RFX4: variants seen among roughly 807,000 people sequenced by gnomAD.
RFX4 encodes the protein regulatory factor X4.
RFX4 carries 10 observed loss-of-function variants against 95.0 expected under a neutral mutation model. That is an observed-to-expected ratio of 0.11 (90% CI 0.06 to 0.18). The LOEUF is 0.18. Ranked by LOEUF, RFX4 falls within the 10% of genes least tolerant of loss-of-function variation. The pLI is 1.00. For synonymous variants in RFX4, 321 were observed against 340.7 expected (o/e 0.94, Z 0.64); for missense variants, 640 against 922.0 (o/e 0.69, Z 3.96).
chr12:106,647,557 T>A (rs1051169711), intron 3 of RFX4, among the ~76,000 whole-genome samples: 1 of 152,196 alleles, frequency 6.6e-6, no homozygotes, highest in Non-Finnish European at 1.5e-5. Context: ...AAAGCCTGCC[T>A]TCCTTCTTAT....
In RFX4 at chr12:106,668,455, A is replaced by C. The variant is rs973874292; in HGVS notation, c.316-13538A>C. ...AAAAACTACGGTTTGAGCCAGGTGCAATGGTGCAGGCTCATAGTCCCAGCT... is the reference window on the plus strand; with the variant it reads ...AAAAACTACGGTTTGAGCCAGGTGCCATGGTGCAGGCTCATAGTCCCAGCT... On this transcript the variant is annotated intron_variant, in intron 4 of 17. Transcript: ENST00000392842. 4.1e-4 allele frequency among the ~76,000 whole-genome samples: 63 copies of C among 152,138 alleles called. 2 individuals carry two copies. Among genetic ancestry groups the C allele is most frequent in the Admixed American group, 3.6e-3 (55 of 15,286 alleles).
intron 16 of RFX4, among the ~76,000 whole-genome samples, chr12:106,747,835 G>A (rs898168498): frequency 1.6e-4 from 25 of 151,712 alleles, no homozygotes; most frequent in African/African-American, 6.1e-4. Context: ...GGCTGAGGTG[G>A]GAGAATTGCT....
chr12:106,688,553 A>G (rs367590411), intron 6 of RFX4, among the ~76,000 whole-genome samples: 1 of 152,214 alleles, frequency 6.6e-6, no homozygotes, highest in East Asian at 1.9e-4. Context: ...CTAAGTTTAT[A>G]TAAAATGCAT....
chr12:106,759,304 T>C (rs957826044), intron 17 of RFX4, among the ~76,000 whole-genome samples: 1 of 152,012 alleles, frequency 6.6e-6, no homozygotes, highest in African/African-American at 2.4e-5. Flanking sequence ...TTCCCTGAGA[T>C]GGGAACCAGC....
intron 13 of RFX4, among the ~76,000 whole-genome samples, chr12:106,725,670 A>G (rs2137542662): frequency 6.6e-6 from 1 of 152,156 alleles, no homozygotes; most frequent in African/African-American, 2.4e-5. Context: ...ATCATGATTT[A>G]TGGAGGAAAA....
intron 1 of RFX4, among the ~76,000 whole-genome samples, chr12:106,589,453 A>T (rs2137164105): frequency 6.6e-6 from 1 of 152,310 alleles, no homozygotes; most frequent in African/African-American, 2.4e-5. Context: ...TCTCTTGCTG[A>T]GTACCTACCA....
intron 1 of RFX4, among the ~76,000 whole-genome samples, chr12:106,600,293 T>G (rs1242367503): frequency 6.6e-6 from 1 of 152,186 alleles, no homozygotes; most frequent in African/African-American, 2.4e-5. Flanking sequence ...TTCCTCCCTC[T>G]CTACCTGGTT....
intron 5 of RFX4, among the ~76,000 whole-genome samples, chr12:106,684,237 C>T (rs746834617): frequency 2.8e-4 from 42 of 152,148 alleles, no homozygotes; most frequent in Admixed American, 7.9e-4. Flanking sequence ...CATGGTGGCA[C>T]GTCCCTTTAG....
At chr12:106,678,127 C>T (rs1474072121) in intron 4 of RFX4, among the ~76,000 whole-genome samples, 2 of 152,214 alleles carry the variant, frequency 1.3e-5, no homozygotes, top group Non-Finnish European at 2.9e-5. Flanking sequence ...CTCAAGATCA[C>T]AGTGCGTAGA....
intron 8 of RFX4, among the ~76,000 whole-genome samples, chr12:106,708,343 G>GT (rs796270806): frequency 1.2e-3 from 182 of 145,824 alleles, no homozygotes; most frequent in Admixed American, 3.1e-3. Context: ...GTGTGTGTAT[G>GT]TTTTTTTTTT....
chr12:106,703,348 G>T (rs1410384909), intron 8 of RFX4, among the ~76,000 whole-genome samples: 1 of 152,158 alleles, frequency 6.6e-6, no homozygotes, highest in African/African-American at 2.4e-5. Context: ...GTTAACAAAG[G>T]TTACCTCCAG....
intron 3 of RFX4, among the ~76,000 whole-genome samples, chr12:106,649,363 C>A (rs2040817282): frequency 6.6e-6 from 1 of 152,192 alleles, no homozygotes; most frequent in Non-Finnish European, 1.5e-5. Flanking sequence ...CCCTTCCATG[C>A]CAATTACATC....
intron 8 of RFX4, among the ~76,000 whole-genome samples, chr12:106,703,295 C>T (rs1021900941): frequency 1.8e-4 from 27 of 152,108 alleles, no homozygotes; most frequent in Admixed American, 2.6e-4. Flanking sequence ...ATGCTCTTTC[C>T]GGCTTTCCAC....
In RFX4 at chr12:106,761,251, C is replaced by G. The variant is rs2043203535; in HGVS notation, c.1990C>G (p.Pro664Ala). ...GGAACCTTGTTTGATGAGCAGTACT[C>G]CCAGACTGCATCCTACCCCAGTCAC... ...RMEPCLMSST[P>A]RLHPTPVTPR... Residue 664 changes from proline to alanine, a missense_variant, in exon 18 of 18, where the codon CCC (proline) becomes GCC (alanine). Pro to Ala is a conservative substitution (Grantham distance 27). This residue lies in a region of RFX4 where 300 missense variants were observed against 346.8 expected (regional missense o/e 0.87). Transcript: ENST00000392842. 2 of 1,614,106 alleles carry G rather than the reference C, an allele frequency of 1.2e-6. No individual in the cohort carries two copies. The highest frequency in any genetic ancestry group is 1.7e-6 in the Non-Finnish European group (2 of 1,180,010).
chr12:106,750,233 T>G (rs2042973952), intron 16 of RFX4, among the ~76,000 whole-genome samples: 1 of 152,074 alleles, frequency 6.6e-6, no homozygotes, highest in African/African-American at 2.4e-5. Flanking sequence ...TCCCAGCATT[T>G]GGGGAGGCCA....
chr12:106,749,495 G>A (rs968136615), intron 16 of RFX4, among the ~76,000 whole-genome samples: 9 of 152,036 alleles, frequency 5.9e-5, no homozygotes, highest in African/African-American at 2.2e-4. Context: ...GCAGTCAATC[G>A]GGCAACCATT....
At position 106,626,645 on chromosome 12, in the gene RFX4, A is replaced by C. The variant is rs1443357970; in HGVS notation, c.131-12687A>C. On this transcript the variant is annotated intron_variant, in intron 2 of 17. Coordinates refer to ENST00000392842, the MANE Select transcript of RFX4 (RefSeq NM_213594.3). ...GTGGATTCAAGCCAGCAGACACATC[A>C]GGGCTGCTACCTACTCCAAGTTTGA... Among the ~76,000 whole-genome samples the C allele has an allele frequency of 2.6e-5, 4 of 152,268 alleles. No homozygotes were observed. The South Asian group carries it at 8.3e-4, about 32-fold the overall frequency.
chr12:106,690,006 C>T (rs2041746017), intron 7 of RFX4, among the ~76,000 whole-genome samples: 1 of 152,064 alleles, frequency 6.6e-6, no homozygotes, highest in Non-Finnish European at 1.5e-5. Flanking sequence ...AATGTGGTCT[C>T]TAAAAGGACT....
intron 1 of RFX4, among the ~76,000 whole-genome samples, chr12:106,592,486 G>T (rs1008249959): frequency 1.3e-5 from 2 of 152,188 alleles, no homozygotes; most frequent in African/African-American, 4.8e-5. Flanking sequence ...CTGGAAGAGA[G>T]ATCTGTGGTG....
Sources: gnomAD v4.1 joint callset for allele counts (sites outside exome capture counted in the v4.1 genomes callset) on GRCh38, gnomAD v4.1.1 for gene constraint, gnomAD v4.1.1 regional missense constraint, MANE v1.5 for transcripts, NCBI Gene and HGNC (gene_info 2026-07-23, HGNC 2026-07-21) for gene names.